COG2: variants seen among roughly 807,000 people sequenced by gnomAD.
COG2 encodes the protein component of oligomeric golgi complex 2.
In COG2, 52 loss-of-function variants were observed where a neutral mutation model predicts 90.6. That is an observed-to-expected ratio of 0.57 (90% CI 0.46 to 0.72). COG2 has a LOEUF of 0.72. Ranked by LOEUF, COG2 falls within the 30% of genes least tolerant of loss-of-function variation. COG2 has a pLI of 0.00. For missense variants in COG2, 829 were observed against 891.2 expected, an observed-to-expected ratio of 0.93 and a Z score of 0.89; for synonymous variants, 337 against 320.4, an observed-to-expected ratio of 1.05 and a Z score of -0.55.
chr1:230,679,053 G>A lies in COG2; in HGVS notation c.1166+1G>A. 2 of 1,611,206 alleles carry A rather than the reference G, an allele frequency of 1.2e-6. No individual in the cohort carries two copies. The highest frequency in any genetic ancestry group is 2.7e-5 in the African/African-American group (2 of 74,960). On this transcript the variant is annotated splice_donor_variant, in intron 10 of 17. Coordinates refer to ENST00000366669, the MANE Select transcript of COG2 (RefSeq NM_007357.3). LOFTEE classifies it high-confidence loss of function. ...ACTTGCCTGTTTATTTTCAAATAAG[G>A]TTGGTCATCTATTCACCGCCCCCGC...
In COG2 at chr1:230,664,250, GT is replaced by G. The variant is rs201916406; in HGVS notation, c.382-227del. Among the ~76,000 whole-genome samples, 1,198 of 151,430 alleles carry G rather than the reference GT, an allele frequency of 7.9e-3. 14 individuals carry two copies. The highest frequency in any genetic ancestry group is 0.027 in the African/African-American group (1,115 of 41,176). On this transcript the variant is annotated intron_variant, in intron 4 of 17. Coordinates refer to ENST00000366669, the MANE Select transcript of COG2 (RefSeq NM_007357.3). The stretch of plus-strand genomic sequence containing the variant: ...TAATATAAGAAACCAAAAAAAAAAA[GT>G]TTTTTTAAAAATTCTGAAATTGTGA...
Position 230,658,887 on chromosome 1 carries a change from G to A in COG2, c.73-577G>A, listed in dbSNP as rs544328700. 1.3e-4 allele frequency among the ~76,000 whole-genome samples: 20 copies of A among 152,298 alleles called. No individual in the cohort carries two copies. In the South Asian group the frequency reaches 2.7e-3, roughly 21 times the overall value. ...ATGAGTGCAAATTTACATGGATTATGAAAAGACATCCAAGTTGTATTGTTA... is the reference window on the plus strand; with the variant it reads ...ATGAGTGCAAATTTACATGGATTATAAAAAGACATCCAAGTTGTATTGTTA... On this transcript the variant is annotated intron_variant, in intron 1 of 17. Coordinates refer to ENST00000366669, the MANE Select transcript of COG2 (RefSeq NM_007357.3).
intron 8 of COG2, 87 bp downstream of exon 8, chr1:230,671,727 C>T: frequency 8.3e-7 from 1 of 1,203,002 alleles, no homozygotes; most frequent in Non-Finnish European, 1.2e-6. Flanking sequence ...CGATGACTGT[C>T]TTGTATGAAC....
At chr1:230,644,540 G>GA (rs909832974) in intron 1 of COG2, among the ~76,000 whole-genome samples, 2 of 152,210 alleles carry the variant, frequency 1.3e-5, no homozygotes, top group African/African-American at 4.8e-5. Flanking sequence ...GAGATTGCTT[G>GA]AAAATCCAGA....
intron 17 of COG2, 30 bp downstream of exon 17, chr1:230,691,594 G>T (rs369354794): frequency 6.3e-7 from 1 of 1,589,688 alleles, no homozygotes; most frequent in South Asian, 1.1e-5. Flanking sequence ...CAGCTCCAGC[G>T]AGCCTGAAAC....
In COG2 at chr1:230,660,835, GAATA is replaced by G; in HGVS notation, c.300+14_300+17del. On this transcript the variant is annotated intron_variant, in intron 3 of 17. Coordinates refer to ENST00000366669, the MANE Select transcript of COG2 (RefSeq NM_007357.3). ...GAGAAGAGGTTCTGGTAAGTTTCCC[GAATA>G]ACATCAAACAGTTTACCCTAAAGCA... The G allele has an allele frequency of 6.5e-7, 1 of 1,550,172 alleles. No homozygotes were observed. Among genetic ancestry groups the G allele is most frequent in the Non-Finnish European group, 8.7e-7 (1 of 1,144,776 alleles).
chr1:230,678,849 A>C, intron 9 of COG2, 64 bp from the exon 10 acceptor site: 1 of 1,593,882 alleles, frequency 6.3e-7, no homozygotes, highest in Non-Finnish European at 8.5e-7. Context: ...TACAGTTTTC[A>C]GTACATGCTC....
In COG2 at chr1:230,680,547, G is replaced by A. The variant is rs113168249; in HGVS notation, c.1166+1495G>A. 1.8e-4 allele frequency: 27 copies of A among 152,302 alleles called. 1 individual carries two copies. The highest frequency in any genetic ancestry group is 5.8e-4 in the African/African-American group (24 of 41,556). The allele number at this position is 152,302 out of a possible 1,614,324, so 9.4% of individuals were successfully genotyped here. ...CCCTTCCATTTCAGTTTCTCTCAAA[G>A]CTGGTAATTGGACCTTAAACTACAT... On this transcript the variant is annotated intron_variant, in intron 10 of 17. Transcript: ENST00000366669.
intron 1 of COG2, among the ~76,000 whole-genome samples, chr1:230,648,796 C>T (rs894913289): frequency 2.0e-5 from 3 of 152,134 alleles, no homozygotes; most frequent in African/African-American, 7.2e-5. Context: ...CCAAATTAAT[C>T]ACAAAATGGG....
chr1:230,662,639 A>G (rs769037382), intron 3 of COG2, among the ~76,000 whole-genome samples: 3 of 152,198 alleles, frequency 2.0e-5, no homozygotes, highest in Admixed American at 6.5e-5. Context: ...TTATCTGGTC[A>G]TAGCCCTCTT....
chr1:230,686,073 G>A (rs971207259), intron 12 of COG2, among the ~76,000 whole-genome samples: 4 of 152,196 alleles, frequency 2.6e-5, no homozygotes, highest in Admixed American at 6.5e-5. Context: ...AATGTCAAAC[G>A]TTGGCTCTTT....
At chr1:230,688,595 T>C (rs1662944288) in intron 15 of COG2, 33 bp downstream of exon 15, 4 of 1,610,822 alleles carry the variant, frequency 2.5e-6, no homozygotes, top group Non-Finnish European at 3.4e-6. Context: ...AATTTTGAGG[T>C]GGGGAAGTGT....
intron 9 of COG2, chr1:230,678,636 T>A: frequency 7.3e-7 from 1 of 1,370,254 alleles, no homozygotes; most frequent in East Asian, 3.9e-5. Context: ...CCCTAGAACA[T>A]GAGCACTGCC....
At chr1:230,647,043 C>T (rs536121226) in intron 1 of COG2, among the ~76,000 whole-genome samples, 1 of 152,152 alleles carries the variant, frequency 6.6e-6, no homozygotes, top group South Asian at 2.1e-4. Context: ...ACATCACAGG[C>T]AGGGTGCCCT....
At chr1:230,656,165 C>G (rs1662043111) in intron 1 of COG2, among the ~76,000 whole-genome samples, 1 of 152,020 alleles carries the variant, frequency 6.6e-6, no homozygotes, top group Admixed American at 6.6e-5. Context: ...AATTTGTCTG[C>G]TGTTGCTTCT....
intron 7 of COG2, 109 bp from the exon 8 acceptor site, chr1:230,671,407 G>C: frequency 1.2e-6 from 1 of 867,834 alleles, no homozygotes; most frequent in Non-Finnish European, 1.8e-6. Context: ...GGAGGAGGGT[G>C]AGTGTGAGGA....
chr1:230,648,993 A>G (rs1300752276), intron 1 of COG2, among the ~76,000 whole-genome samples: 1 of 152,230 alleles, frequency 6.6e-6, no homozygotes, highest in Non-Finnish European at 1.5e-5. Flanking sequence ...GACAGAGCAC[A>G]AATATTTGTT....
Position 230,663,149 on chromosome 1 carries a change from A to C in COG2, c.309A>C (p.Arg103Ser). The part of the protein sequence containing the change: ...GQLREEVLSL[R>S]SSVSEGIRAV... ...TTTTTTGTCTTTTAAAGAGCCTTAG[A>C]TCGTCTGTCAGTGAAGGAATTCGGG... The change falls in exon 4 of 18, where the codon AGA (arginine) becomes AGC (serine). Residue 103 changes from arginine (R) to serine (S), a missense_variant. Coordinates refer to ENST00000366669, the MANE Select transcript of COG2 (RefSeq NM_007357.3). 2 of 1,608,768 alleles carry C rather than the reference A, an allele frequency of 1.2e-6. No individual in the cohort carries two copies. Among genetic ancestry groups the C allele is most frequent in the South Asian group, 1.1e-5 (1 of 90,076 alleles).
chr1:230,688,698 T>G, intron 15 of COG2, 136 bp downstream of exon 15: 1 of 995,390 alleles, frequency 1.0e-6, no homozygotes, highest in Non-Finnish European at 1.5e-6. Context: ...CTGAGAATGG[T>G]ATTGATGAAG....
Sources: allele counts gnomAD v4.1 joint callset (sites outside exome capture counted in the v4.1 genomes callset), GRCh38; gene constraint gnomAD v4.1.1; transcripts MANE v1.5; gene names NCBI Gene and HGNC (gene_info 2026-07-23, HGNC 2026-07-21).